The following PAM variants were observed in gnomAD, a reference collection of about 807,000 sequenced individuals.
The protein encoded by PAM is peptidyl-glycine alpha-amidating monooxygenase.
Under a neutral mutation model 122.1 loss-of-function variants are expected in PAM, and 72 were observed. The observed-to-expected ratio is 0.59, with a 90% CI of 0.49 to 0.72. The LOEUF (loss-of-function observed/expected upper bound fraction) is 0.72, where lower values mean the gene tolerates loss of function less well. Ranked by LOEUF, PAM falls within the 30% of genes least tolerant of loss-of-function variation. PAM has a pLI of 0.00. For missense variants in PAM, 1,106 were observed against 1,183.7 expected (o/e 0.93, Z 0.96); for synonymous variants, 389 against 404.4 (o/e 0.96, Z 0.46).
At chr5:102,896,804 A>G (rs1307498645) in intron 3 of PAM, among the ~76,000 whole-genome samples, 3 of 151,720 alleles carry the variant, frequency 2.0e-5, no homozygotes, top group African/African-American at 2.4e-5. Context: ...TTTATCTGTT[A>G]TTAAGTGTCT....
intron 1 of PAM, among the ~76,000 whole-genome samples, chr5:102,830,443 A>C (rs1775089823): frequency 6.6e-6 from 1 of 152,168 alleles, no homozygotes; most frequent in Admixed American, 6.5e-5. Context: ...GAGTACCTTC[A>C]TCATTGTTTA....
intron 1 of PAM, among the ~76,000 whole-genome samples, chr5:102,786,535 A>G (rs774430299): frequency 3.9e-5 from 6 of 152,192 alleles, no homozygotes; most frequent in Non-Finnish European, 7.3e-5. Context: ...ACTGCTGAAC[A>G]TCAAAGGGAA....
rs138322413 is a variant in PAM at position 102,935,835 on chromosome 5, C to T, written c.526+9167C>T. ...ATTTCTCAAAATCTAATCAGAGGAC[C>T]GTCTGCACCAGACTGTCCTTGGGGT... On this transcript the variant is annotated intron_variant, in intron 7 of 25. Coordinates refer to ENST00000438793, the MANE Select transcript of PAM (RefSeq NM_001177306.2). Among the ~76,000 whole-genome samples, 867 of 152,154 alleles carry T rather than the reference C, an allele frequency of 5.7e-3. 2 individuals carry two copies. Among genetic ancestry groups the T allele is most frequent in the Non-Finnish European group, 9.7e-3 (660 of 67,988 alleles).
intron 1 of PAM, among the ~76,000 whole-genome samples, chr5:102,797,659 A>G (rs1763714587): frequency 6.6e-6 from 1 of 152,178 alleles, no homozygotes; most frequent in African/African-American, 2.4e-5. Flanking sequence ...TTTGGTAGGA[A>G]AGAGAAGAGA....
chr5:102,997,895 A>T (rs1435152460), intron 16 of PAM, among the ~76,000 whole-genome samples: 1 of 152,176 alleles, frequency 6.6e-6, no homozygotes, highest in African/African-American at 2.4e-5. Context: ...TTTCCATTTG[A>T]CCTGACTGGC....
intron 1 of PAM, among the ~76,000 whole-genome samples, chr5:102,853,833 A>C (rs1003716598): frequency 2.0e-5 from 3 of 152,254 alleles, no homozygotes; most frequent in South Asian, 2.1e-4. Context: ...AGTCACTGCC[A>C]GGAAATGAGC....
At chr5:102,950,888 C>A in intron 12 of PAM, 68 bp downstream of exon 12, 1 of 894,800 alleles carries the variant, frequency 1.1e-6, no homozygotes. Flanking sequence ...CAGGTGACAG[C>A]TATCTTTGTG....
At chr5:103,013,954 C>T (rs1470263384) in intron 21 of PAM, among the ~76,000 whole-genome samples, 1 of 152,108 alleles carries the variant, frequency 6.6e-6, no homozygotes, top group Admixed American at 6.5e-5. Context: ...GCAATGAAAT[C>T]TCAAAGCATA....
intron 21 of PAM, among the ~76,000 whole-genome samples, chr5:103,012,666 A>G (rs534506720): frequency 2.6e-5 from 4 of 152,176 alleles, no homozygotes; most frequent in African/African-American, 9.6e-5. Context: ...CATCCTGGCT[A>G]ACACGGTGAA....
intron 24 of PAM, among the ~76,000 whole-genome samples, chr5:103,026,147 T>A (rs1258074069): frequency 6.6e-6 from 1 of 152,178 alleles, no homozygotes; most frequent in Non-Finnish European, 1.5e-5. Flanking sequence ...ATCCAAGAGC[T>A]GAGTTTATTT....
At chr5:102,824,756 A>G (rs1463233068) in intron 1 of PAM, among the ~76,000 whole-genome samples, 5 of 145,012 alleles carry the variant, frequency 3.4e-5, no homozygotes, top group Admixed American at 1.4e-4. Flanking sequence ...TTTCCTAATT[A>G]GTTTTATGGA....
intron 1 of PAM, among the ~76,000 whole-genome samples, chr5:102,766,002 A>C (rs1182793689): frequency 6.6e-6 from 1 of 152,104 alleles, no homozygotes; most frequent in African/African-American, 2.4e-5. Context: ...CCATATCGGC[A>C]TGATACAATA....
chr5:102,962,702 G>A (rs913237233), intron 14 of PAM, among the ~76,000 whole-genome samples: 3 of 151,606 alleles, frequency 2.0e-5, no homozygotes, highest in African/African-American at 7.3e-5. Flanking sequence ...TTAGTGAAGC[G>A]GTATTAAAGG....
At chr5:102,803,661 C>T (rs1580328211) in intron 1 of PAM, among the ~76,000 whole-genome samples, 2 of 151,920 alleles carry the variant, frequency 1.3e-5, no homozygotes, top group African/African-American at 4.8e-5. Context: ...TTGATTTCTA[C>T]CTTTCCCTAC....
intron 15 of PAM, among the ~76,000 whole-genome samples, chr5:102,981,107 C>T (rs1426903472): frequency 1.1e-4 from 17 of 152,140 alleles, no homozygotes; most frequent in Admixed American, 1.1e-3. Context: ...AGGCTCAAAA[C>T]AACCTATGCG....
chr5:103,028,970 A>G lies in PAM; in HGVS notation c.2827A>G (p.Thr943Ala), dbSNP rs1785807635. 6.2e-7 allele frequency: 1 copy of G among 1,613,772 alleles called. No homozygotes were observed. The highest frequency in any genetic ancestry group is 1.3e-5 in the African/African-American group (1 of 74,912). ...TCGAAAAGGGTTTGACCGGCTTAGC[A>G]CTGAGGGCAGTGACCAAGAGAAAGA... The part of the protein sequence containing the change: ...YSRKGFDRLS[T>A]EGSDQEKEDD... The change falls in exon 26 of 26, where the codon ACT becomes GCT. Residue 943 changes from threonine to alanine, a missense_variant. Transcript: ENST00000438793.
At chr5:102,957,011 T>C (rs767232179) in intron 12 of PAM, among the ~76,000 whole-genome samples, 18 of 152,272 alleles carry the variant, frequency 1.2e-4, no homozygotes, top group Non-Finnish European at 2.4e-4. Flanking sequence ...AAATCTCTAA[T>C]GGATTTTTCT....
chr5:102,843,681 A>C (rs1272424953), intron 1 of PAM, among the ~76,000 whole-genome samples: 1 of 152,184 alleles, frequency 6.6e-6, no homozygotes, highest in African/African-American at 2.4e-5. Context: ...ATCAATCCAA[A>C]TAGAAAATGG....
chr5:102,846,905 C>T (rs1780095961), intron 1 of PAM, among the ~76,000 whole-genome samples: 1 of 152,168 alleles, frequency 6.6e-6, no homozygotes, highest in African/African-American at 2.4e-5. Flanking sequence ...CTAACATCTC[C>T]TTTTCTTCTT....
Sources: allele counts gnomAD v4.1 joint callset (sites outside exome capture counted in the v4.1 genomes callset), GRCh38; gene constraint gnomAD v4.1.1; transcripts MANE v1.5; gene names NCBI Gene and HGNC (gene_info 2026-07-23, HGNC 2026-07-21).